Variants in FAM110B observed in about 807,000 individuals in gnomAD.
FAM110B encodes family with sequence similarity 110 member B.
In FAM110B, 6 loss-of-function variants were observed where a neutral mutation model predicts 20.4. The observed-to-expected ratio is 0.29, with a 90% CI of 0.16 to 0.58. The LOEUF is 0.58. Among genes scored for constraint, FAM110B ranks in the 20% least tolerant of loss-of-function variants. FAM110B has a pLI of 0.90. For missense variants in FAM110B, 434 were observed against 498.2 expected (o/e 0.87, Z 1.23); for synonymous variants, 226 against 214.1 (o/e 1.06, Z -0.49).
intron 3 of FAM110B, among the ~76,000 whole-genome samples, chr8:58,122,312 T>C (rs1386626204): frequency 6.6e-6 from 1 of 152,126 alleles, no homozygotes; most frequent in Non-Finnish European, 1.5e-5. Context: ...ATTTTTTGTT[T>C]CTTTATTCTC....
intron 1 of FAM110B, among the ~76,000 whole-genome samples, chr8:58,010,182 A>G (rs909825790): frequency 1.4e-5 from 2 of 145,514 alleles, no homozygotes; most frequent in Non-Finnish European, 3.0e-5. Context: ...ACGCCCTGCT[A>G]GTTTTTTTTT....
chr8:58,008,400 T>G (rs2150564731), intron 1 of FAM110B, among the ~76,000 whole-genome samples: 1 of 152,284 alleles, frequency 6.6e-6, no homozygotes, highest in South Asian at 2.1e-4. Context: ...CTCAAAGTAC[T>G]GGGATTACAG....
intron 3 of FAM110B, among the ~76,000 whole-genome samples, chr8:58,139,114 A>G (rs986411307): frequency 1.1e-4 from 17 of 152,382 alleles, no homozygotes; most frequent in African/African-American, 4.1e-4. Flanking sequence ...TTATTAAATA[A>G]CATTGGAAGA....
At chr8:58,029,382 A>C (rs1804920493) in intron 1 of FAM110B, among the ~76,000 whole-genome samples, 1 of 152,096 alleles carries the variant, frequency 6.6e-6, no homozygotes, top group Admixed American at 6.5e-5. Context: ...GAATATCCCA[A>C]ATTTCATTTT....
Position 58,019,987 on chromosome 8 carries a change from C to A in FAM110B, c.-511-11619C>A, listed in dbSNP as rs139895004. 4.0e-3 allele frequency among the ~76,000 whole-genome samples: 613 copies of A among 152,082 alleles called. 2 individuals carry two copies. Among genetic ancestry groups the A allele is most frequent in the African/African-American group, 0.014 (568 of 41,524 alleles). On this transcript the variant is annotated intron_variant, in intron 1 of 3. Coordinates refer to ENST00000519262, the MANE Select transcript of FAM110B (RefSeq NM_001377989.1). ...TATTTTATTGTTTGGTATTATCTTGCAAGTCACTTGTACTTAATTTTTTTC... is the reference window on the plus strand; with the variant it reads ...TATTTTATTGTTTGGTATTATCTTGAAAGTCACTTGTACTTAATTTTTTTC...
chr8:58,140,900 T>C (rs1803731438), intron 3 of FAM110B, among the ~76,000 whole-genome samples: 1 of 152,248 alleles, frequency 6.6e-6, no homozygotes, highest in Non-Finnish European at 1.5e-5. Flanking sequence ...TCGATTCACA[T>C]TTACCAAATG....
intron 3 of FAM110B, among the ~76,000 whole-genome samples, chr8:58,106,741 G>T (rs1563372258): frequency 1.3e-5 from 2 of 152,196 alleles, no homozygotes; most frequent in Non-Finnish European, 1.5e-5. Flanking sequence ...AGGGCAGTTA[G>T]CCAAACCATA....
chr8:58,002,167 C>G (rs1804311824), intron 1 of FAM110B, among the ~76,000 whole-genome samples: 1 of 152,174 alleles, frequency 6.6e-6, no homozygotes, highest in African/African-American at 2.4e-5. Flanking sequence ...TCCATCAATT[C>G]AATGCTGATT....
At chr8:58,111,948 A>ACCAGTTAGTT (rs2150619805) in intron 3 of FAM110B, among the ~76,000 whole-genome samples, 1 of 152,304 alleles carries the variant, frequency 6.6e-6, no homozygotes, top group Non-Finnish European at 1.5e-5. Flanking sequence ...CTTCAAGCAA[A>ACCAGTTAGTT]AGGCCACTGG....
intron 2 of FAM110B, among the ~76,000 whole-genome samples, chr8:58,051,558 C>A (rs946240710): frequency 1.3e-5 from 2 of 152,122 alleles, no homozygotes; most frequent in African/African-American, 4.8e-5. Context: ...ACCTGGGTAG[C>A]CTATGTTTAC....
chr8:58,023,923 A>G (rs1266356696), intron 1 of FAM110B, among the ~76,000 whole-genome samples: 3 of 152,178 alleles, frequency 2.0e-5, no homozygotes, highest in Non-Finnish European at 4.4e-5. Context: ...AAAAAGCTGT[A>G]TTCTTTGCCA....
At chr8:57,995,157 G>A (rs546447363) in intron 1 of FAM110B, among the ~76,000 whole-genome samples, 1 of 152,138 alleles carries the variant, frequency 6.6e-6, no homozygotes, top group Admixed American at 6.5e-5. Context: ...AGCCAGGGCG[G>A]GGGGAAGCTG....
chr8:58,069,884 G>A (rs569061255), intron 2 of FAM110B, among the ~76,000 whole-genome samples: 2 of 152,170 alleles, frequency 1.3e-5, no homozygotes, highest in Non-Finnish European at 2.9e-5. Flanking sequence ...ACCACTCTTT[G>A]TTTCTCTAGA....
chr8:58,074,744 G>T (rs959059296), intron 2 of FAM110B, among the ~76,000 whole-genome samples: 1 of 152,152 alleles, frequency 6.6e-6, no homozygotes, highest in Non-Finnish European at 1.5e-5. Context: ...GCAATCAAGA[G>T]CTTTGCCCCA....
intron 2 of FAM110B, among the ~76,000 whole-genome samples, chr8:58,042,249 A>G (rs1285095610): frequency 6.6e-6 from 1 of 152,250 alleles, no homozygotes; most frequent in Non-Finnish European, 1.5e-5. Context: ...GATGTTGATT[A>G]ATTTAAAAAT....
At chr8:58,049,197 G>T (rs1345882790) in intron 2 of FAM110B, among the ~76,000 whole-genome samples, 2 of 152,078 alleles carry the variant, frequency 1.3e-5, no homozygotes, top group South Asian at 4.1e-4. Flanking sequence ...GAGTAAGCTT[G>T]GTTTTGATAT....
intron 1 of FAM110B, among the ~76,000 whole-genome samples, chr8:57,996,878 G>T (rs1804194628): frequency 6.6e-6 from 1 of 152,128 alleles, no homozygotes; most frequent in Non-Finnish European, 1.5e-5. Flanking sequence ...ATATTTTAGA[G>T]CAGGATTTAT....
chr8:58,101,592 T>C (rs2150611430), intron 3 of FAM110B, among the ~76,000 whole-genome samples: 1 of 152,196 alleles, frequency 6.6e-6, no homozygotes, highest in Admixed American at 6.5e-5. Context: ...CCATGATGCA[T>C]CGTCAATCAA....
chr8:58,018,126 A>G (rs1413324826), intron 1 of FAM110B, among the ~76,000 whole-genome samples: 2 of 152,184 alleles, frequency 1.3e-5, no homozygotes, highest in Non-Finnish European at 2.9e-5. Context: ...AAACAAATGT[A>G]TTTAATTTTT....
Sources: allele counts gnomAD v4.1 joint callset (sites outside exome capture counted in the v4.1 genomes callset), GRCh38; gene constraint gnomAD v4.1.1; transcripts MANE v1.5; gene names NCBI Gene and HGNC (gene_info 2026-07-23, HGNC 2026-07-21).